Variants in DYNC2I1 observed in about 807,000 individuals in gnomAD.
DYNC2I1 encodes cytoplasmic dynein 2 intermediate chain 1.
Under a neutral mutation model 133.4 loss-of-function variants are expected in DYNC2I1, and 89 were observed. The observed-to-expected ratio is 0.67, with a 90% confidence interval of 0.56 to 0.80. DYNC2I1 has a LOEUF of 0.80. Ranked by LOEUF, DYNC2I1 falls within the 30% of genes least tolerant of loss-of-function variation. The pLI, the probability that DYNC2I1 is intolerant of heterozygous loss-of-function variation, is 0.00. For missense variants in DYNC2I1, 1,291 were observed against 1,314.5 expected (o/e 0.98, Z 0.28); for synonymous variants, 504 against 484.3 (o/e 1.04, Z -0.54).
At chr7:158,860,980 C>G (rs1841822843) in intron 1 of DYNC2I1, among the ~76,000 whole-genome samples, 1 of 152,224 alleles carries the variant, frequency 6.6e-6, no homozygotes, top group African/African-American at 2.4e-5. Context: ...GGCATGAACT[C>G]TCCATTCAAA....
chr7:158,947,351 G>GT (rs1851919309), downstream of DYNC2I1, among the ~76,000 whole-genome samples: 1 of 152,222 alleles, frequency 6.6e-6, no homozygotes, highest in South Asian at 2.1e-4. Context: ...TGGTCTAGAA[G>GT]TTTTGAGACT....
chr7:158,844,130 C>T, the DYNC2I1 span, among the ~76,000 whole-genome samples: 3 of 152,084 alleles, frequency 2.0e-5, no homozygotes, highest in Non-Finnish European at 4.4e-5. Flanking sequence ...AGTCTCTCTC[C>T]TCTCTCTCTC....
intron 1 of DYNC2I1, among the ~76,000 whole-genome samples, chr7:158,867,018 GTTT>G (rs35720744): frequency 3.3e-5 from 4 of 121,168 alleles, no homozygotes; most frequent in Non-Finnish European, 3.5e-5. Flanking sequence ...GACTAAATCT[GTTT>G]TTTTTTTTTT....
At chr7:158,873,706 A>C (rs1408915548) in intron 3 of DYNC2I1, among the ~76,000 whole-genome samples, 1 of 152,202 alleles carries the variant, frequency 6.6e-6, no homozygotes, top group Non-Finnish European at 1.5e-5. Context: ...AGCCCACCAC[A>C]GCCTTGAACT....
At chr7:158,868,009 T>C (rs1842556445) in intron 1 of DYNC2I1, among the ~76,000 whole-genome samples, 1 of 151,962 alleles carries the variant, frequency 6.6e-6, no homozygotes, top group African/African-American at 2.4e-5. Context: ...CTCAGGAGGC[T>C]GAGGTGGGAG....
chr7:158,951,866 C>T (rs971977157), intron 4 of DYNC2I1, among the ~76,000 whole-genome samples: 3 of 152,168 alleles, frequency 2.0e-5, no homozygotes, highest in Non-Finnish European at 2.9e-5. Context: ...TGCTGTGCCT[C>T]GGGGGACGTG....
intron 23 of DYNC2I1, among the ~76,000 whole-genome samples, chr7:158,939,624 A>G (rs1044635829): frequency 3.9e-5 from 6 of 152,210 alleles, no homozygotes; most frequent in African/African-American, 1.2e-4. Flanking sequence ...TCACTTAGCC[A>G]TAATATCACT....
exon 5 of DYNC2I1, chr7:158,956,707 C>T (rs187670380): frequency 6.6e-6 from 1 of 152,358 alleles, no homozygotes; most frequent in Non-Finnish European, 1.5e-5. Flanking sequence ...TGCTTCAGAT[C>T]CCAGTGCCCG....
intron 14 of DYNC2I1, among the ~76,000 whole-genome samples, chr7:158,915,648 G>T (rs1430784203): frequency 2.3e-5 from 3 of 130,540 alleles, no homozygotes; most frequent in South Asian, 4.9e-4. Context: ...GTGAAACCTC[G>T]ACACGGTGGT....
At chr7:158,915,916 C>A (rs1585147637) in intron 14 of DYNC2I1, among the ~76,000 whole-genome samples, 1 of 146,090 alleles carries the variant, frequency 6.8e-6, no homozygotes, top group Non-Finnish European at 1.5e-5. Flanking sequence ...GAAACGTCGA[C>A]ACGCTGGTTG....
rs1373849671 is a variant in DYNC2I1 at position 158,864,005 on chromosome 7, G to C, written c.16-5850G>C. Among the ~76,000 whole-genome samples, 4 of 144,664 alleles carry C rather than the reference G, an allele frequency of 2.8e-5. No individual in the cohort carries two copies. In the East Asian group the frequency reaches 8.6e-4, roughly 31 times the overall value. 94.9% of individuals were successfully genotyped at this position (144,664 alleles called of 152,430 possible). A position where few individuals can be genotyped will look rare whatever the true frequency, so the allele number is the denominator to read the frequency against. On this transcript the variant is annotated intron_variant, in intron 1 of 24. Transcript: ENST00000407559. Reference sequence around the variant, plus strand: ...GCAGGACGTCCTTAGCTGCGGATGTGGGGGAGAGCGGGACGTCCTTAGCTC... The same window carrying C: ...GCAGGACGTCCTTAGCTGCGGATGTCGGGGAGAGCGGGACGTCCTTAGCTC...
chr7:158,911,235 A>G (rs912681825), intron 11 of DYNC2I1, among the ~76,000 whole-genome samples: 8 of 152,196 alleles, frequency 5.3e-5, no homozygotes, highest in Non-Finnish European at 7.3e-5. Context: ...CATCCCAGGC[A>G]TATATGTTGT....
upstream of DYNC2I1, among the ~76,000 whole-genome samples, chr7:158,856,294 C>T (rs1841221113): frequency 6.6e-6 from 1 of 152,298 alleles, no homozygotes; most frequent in Admixed American, 6.5e-5. Flanking sequence ...CTATCTTCCC[C>T]GACTGTCAGT....
intron 3 of DYNC2I1, among the ~76,000 whole-genome samples, chr7:158,872,776 C>T (rs1014846066): frequency 6.6e-6 from 1 of 152,046 alleles, no homozygotes; most frequent in African/African-American, 2.4e-5. Flanking sequence ...GTGGGCAGAT[C>T]ACTTGAGGCC....
At chr7:158,917,185 G>A (rs1488024185) in intron 14 of DYNC2I1, among the ~76,000 whole-genome samples, 2 of 142,680 alleles carry the variant, frequency 1.4e-5, no homozygotes, top group East Asian at 2.0e-4. Context: ...TGACATTAAG[G>A]ATGATTGTGA....
chr7:158,912,825 A>G (rs866508888), intron 12 of DYNC2I1, among the ~76,000 whole-genome samples, 160 bp from the exon 13 acceptor site: 10 of 152,200 alleles, frequency 6.6e-5, no homozygotes, highest in Admixed American at 1.3e-4. Flanking sequence ...AGACCTGTAT[A>G]TATCTATATC....
intron 4 of DYNC2I1, among the ~76,000 whole-genome samples, chr7:158,955,291 C>G (rs755281469): frequency 4.6e-5 from 7 of 152,216 alleles, no homozygotes; most frequent in Non-Finnish European, 8.8e-5. Context: ...GCTGTTTCTC[C>G]TCCAGTGCTG....
intron 11 of DYNC2I1, among the ~76,000 whole-genome samples, chr7:158,908,908 CAGAG>C (rs896108333): frequency 7.3e-4 from 111 of 152,018 alleles, no homozygotes; most frequent in African/African-American, 2.5e-3. Context: ...GTAAAGGACA[CAGAG>C]AGAATTCACA....
chr7:158,942,386 C>T (rs547069311), intron 24 of DYNC2I1, among the ~76,000 whole-genome samples: 29 of 152,312 alleles, frequency 1.9e-4, no homozygotes, highest in Admixed American at 9.8e-4. Context: ...TCCCACATCC[C>T]GGCCGGAGGC....
Sources: allele counts gnomAD v4.1 joint callset (sites outside exome capture counted in the v4.1 genomes callset), GRCh38; gene constraint gnomAD v4.1.1; transcripts MANE v1.5; gene names NCBI Gene and HGNC (gene_info 2026-07-23, HGNC 2026-07-21).